The following PPP1R9A variants were observed in gnomAD, a reference collection of about 807,000 sequenced individuals.
PPP1R9A encodes the protein protein phosphatase 1 regulatory subunit 9A.
In PPP1R9A, 59 loss-of-function variants were observed where a neutral mutation model predicts 141.9. The ratio of observed to expected loss-of-function variants is 0.42; its 90% CI spans 0.34 to 0.52. PPP1R9A has a LOEUF of 0.52. PPP1R9A is among the 20% of genes least tolerant of loss of function. The pLI, the probability that PPP1R9A is intolerant of heterozygous loss-of-function variation, is 0.10. For synonymous variants in PPP1R9A, 500 were observed against 569.7 expected (o/e 0.88, Z 1.74); for missense variants, 1,444 against 1,611.9 (o/e 0.90, Z 1.78).
At chr7:94,968,433 A>G (rs1322134922) in intron 2 of PPP1R9A, among the ~76,000 whole-genome samples, 1 of 151,712 alleles carries the variant, frequency 6.6e-6, no homozygotes, top group Non-Finnish European at 1.5e-5. Flanking sequence ...CGGCCTCCCA[A>G]AGTGCTGGGA....
chr7:94,919,301 ATTTTTTT>A (rs757456894), intron 2 of PPP1R9A, among the ~76,000 whole-genome samples: 4,620 of 106,190 alleles, frequency 0.044, 196 homozygotes, highest in East Asian at 0.18. Context: ...GGATAATTAC[ATTTTTTT>A]TTTTTTTTTT....
At position 94,909,987 on chromosome 7, in the gene PPP1R9A, A is replaced by G; in HGVS notation, c.-127A>G. ...AATACACCTGTTGGGACGATCACTG[A>G]CACCGTATACCATTTGAGAGGTACT... On this transcript the variant is annotated 5_prime_UTR_variant, in exon 2 of 20. Transcript: ENST00000433360. The G allele has an allele frequency of 1.4e-6, 1 of 739,278 alleles. No individual in the cohort carries two copies. The highest frequency in any genetic ancestry group is 2.2e-6 in the Non-Finnish European group (1 of 455,154). 45.8% of individuals were successfully genotyped at this position (739,278 alleles called of 1,614,324 possible).
At chr7:95,227,158 T>C (rs564098569) in intron 8 of PPP1R9A, among the ~76,000 whole-genome samples, 35 of 152,316 alleles carry the variant, frequency 2.3e-4, no homozygotes, top group African/African-American at 7.7e-4. Flanking sequence ...AGAATATAAG[T>C]TATCAAGAAA....
At chr7:95,107,314 T>C (rs1033940321) in intron 2 of PPP1R9A, among the ~76,000 whole-genome samples, 2 of 152,214 alleles carry the variant, frequency 1.3e-5, no homozygotes, top group Admixed American at 6.5e-5. Context: ...TTCATCTTAA[T>C]ATTTGGTCAT....
chr7:95,102,432 C>T (rs941159207), intron 2 of PPP1R9A, among the ~76,000 whole-genome samples: 2 of 152,262 alleles, frequency 1.3e-5, no homozygotes, highest in African/African-American at 4.8e-5. Context: ...TTCAGAGTCG[C>T]GATTGACCCT....
intron 5 of PPP1R9A, among the ~76,000 whole-genome samples, chr7:95,195,462 A>C (rs1374222219): frequency 2.0e-5 from 3 of 148,584 alleles, no homozygotes; most frequent in Non-Finnish European, 4.5e-5. Flanking sequence ...TTTTTTTTTA[A>C]GGGACGGGTC....
At chr7:95,094,919 A>AT (rs930625864) in intron 2 of PPP1R9A, among the ~76,000 whole-genome samples, 17 of 146,928 alleles carry the variant, frequency 1.2e-4, no homozygotes, top group Non-Finnish European at 1.6e-4. Context: ...ACAAAAGGCG[A>AT]TTTTTACTGA....
At chr7:95,069,634 C>T (rs1813479128) in intron 2 of PPP1R9A, among the ~76,000 whole-genome samples, 1 of 152,076 alleles carries the variant, frequency 6.6e-6, no homozygotes, top group Non-Finnish European at 1.5e-5. Flanking sequence ...GTGTTCTTTT[C>T]AGTGTTGACA....
At chr7:95,100,965 G>A (rs1818706506) in intron 2 of PPP1R9A, among the ~76,000 whole-genome samples, 1 of 145,108 alleles carries the variant, frequency 6.9e-6, no homozygotes, top group African/African-American at 2.6e-5. Flanking sequence ...CCATTCTCCT[G>A]CCTCAGCCTC....
chr7:94,925,602 T>C (rs1793377981), intron 2 of PPP1R9A, among the ~76,000 whole-genome samples: 1 of 152,180 alleles, frequency 6.6e-6, no homozygotes, highest in African/African-American at 2.4e-5. Context: ...GACAGACCTG[T>C]ATTCAGATCC....
intron 2 of PPP1R9A, among the ~76,000 whole-genome samples, chr7:95,022,058 G>A (rs1198423841): frequency 6.6e-6 from 1 of 152,090 alleles, no homozygotes; most frequent in African/African-American, 2.4e-5. Flanking sequence ...AAATTACTTT[G>A]GGCAGTATGG....
chr7:94,974,369 G>T (rs933386513), intron 2 of PPP1R9A, among the ~76,000 whole-genome samples: 1 of 152,164 alleles, frequency 6.6e-6, no homozygotes, highest in African/African-American at 2.4e-5. Context: ...AGTTTTATAA[G>T]ATGAAATGGT....
At chr7:95,006,633 A>G (rs1359867491) in intron 2 of PPP1R9A, among the ~76,000 whole-genome samples, 1 of 152,216 alleles carries the variant, frequency 6.6e-6, no homozygotes, top group African/African-American at 2.4e-5. Context: ...CAGGAAATTA[A>G]CATTTTATTT....
intron 2 of PPP1R9A, among the ~76,000 whole-genome samples, chr7:94,983,183 G>T (rs1374895587): frequency 2.0e-5 from 3 of 152,100 alleles, no homozygotes; most frequent in Non-Finnish European, 2.9e-5. Flanking sequence ...TGTTCTATTG[G>T]TCTATATCTC....
chr7:95,215,866 A>G (rs1793277539), intron 7 of PPP1R9A, among the ~76,000 whole-genome samples: 1 of 152,012 alleles, frequency 6.6e-6, no homozygotes, highest in African/African-American at 2.4e-5. Context: ...TAGATTCTGG[A>G]TATTAGCCCT....
chr7:94,973,052 G>T (rs974461229), intron 2 of PPP1R9A, among the ~76,000 whole-genome samples: 1 of 125,650 alleles, frequency 8.0e-6, no homozygotes, highest in Non-Finnish European at 1.7e-5. Flanking sequence ...AAATTACTTC[G>T]TACTTTTCCA....
At chr7:95,203,139 CATT>C (rs1679565653) in intron 6 of PPP1R9A, among the ~76,000 whole-genome samples, 1 of 151,876 alleles carries the variant, frequency 6.6e-6, no homozygotes, top group African/African-American at 2.4e-5. Context: ...AAATTAATAT[CATT>C]ATAACAATAT....
At chr7:95,181,714 CCG>C (rs1833866337) in intron 5 of PPP1R9A, among the ~76,000 whole-genome samples, 4 of 120,778 alleles carry the variant, frequency 3.3e-5, no homozygotes, top group African/African-American at 6.4e-5. Context: ...TATATATATT[CCG>C]TCACATATAT....
chr7:95,031,664 A>G (rs113764630), intron 2 of PPP1R9A, among the ~76,000 whole-genome samples: 59,080 of 151,624 alleles, frequency 0.39, 12,356 homozygotes, highest in Middle Eastern at 0.5. Context: ...GCTGAGGCAG[A>G]CGAATCACTT....
Sources: gnomAD v4.1 joint callset for allele counts (sites outside exome capture counted in the v4.1 genomes callset) on GRCh38, gnomAD v4.1.1 for gene constraint, MANE v1.5 for transcripts, NCBI Gene and HGNC (gene_info 2026-07-23, HGNC 2026-07-21) for gene names.